The following PLS1 variants were observed in gnomAD, a reference collection of about 807,000 sequenced individuals.
PLS1 encodes plastin 1.
PLS1 carries 32 observed loss-of-function variants against 73.7 expected under a neutral mutation model. That is an observed-to-expected ratio of 0.43 (90% CI 0.33 to 0.58). The LOEUF is 0.58. PLS1 is among the 20% of genes least tolerant of loss of function. PLS1 has a pLI of 0.04. For missense variants in PLS1, 633 were observed against 740.5 expected (o/e 0.85, Z 1.68); for synonymous variants, 217 against 261.3 (o/e 0.83, Z 1.63).
intron 6 of PLS1, 95 bp from the exon 7 acceptor site, chr3:142,683,911 G>A: frequency 5.0e-6 from 4 of 792,852 alleles, no homozygotes; most frequent in Non-Finnish European, 7.8e-6. Context: ...TTATAAATCT[G>A]AAATTTGGCA....
chr3:142,669,269 G>T, intron 2 of PLS1, 121 bp from the exon 3 acceptor site: 1 of 566,712 alleles, frequency 1.8e-6, no homozygotes, highest in South Asian at 2.8e-5. Context: ...AAAGGTTACT[G>T]CCACCTGTGA....
intron 2 of PLS1, among the ~76,000 whole-genome samples, chr3:142,668,661 G>A (rs1398953485): frequency 1.3e-5 from 2 of 151,434 alleles, no homozygotes; most frequent in African/African-American, 4.9e-5. Flanking sequence ...GAGTACAGTG[G>A]CGCAATCTCG....
chr3:142,638,439 T>C (rs1308960787), intron 1 of PLS1, among the ~76,000 whole-genome samples: 3 of 152,168 alleles, frequency 2.0e-5, no homozygotes, highest in African/African-American at 7.2e-5. Flanking sequence ...CCTTAATTGG[T>C]CTGTCTCTGA....
At chr3:142,630,958 C>A (rs1047834292) in intron 1 of PLS1, among the ~76,000 whole-genome samples, 2 of 151,768 alleles carry the variant, frequency 1.3e-5, no homozygotes, top group Non-Finnish European at 2.9e-5. Context: ...CACACACACA[C>A]ACACACACAC....
rs528394937 is a variant in PLS1 at position 142,606,355 on chromosome 3, A to C, written c.-37+9846A>C. Reference sequence around the variant, plus strand: ...GCAAGCAGCGGGACTTCTCAGAGAAATTAAAGGTTTCATATCAACCACACG... The same window carrying C: ...GCAAGCAGCGGGACTTCTCAGAGAACTTAAAGGTTTCATATCAACCACACG... On this transcript the variant is annotated intron_variant, in intron 1 of 15. Transcript: ENST00000457734. 7.9e-5 allele frequency among the ~76,000 whole-genome samples: 12 copies of C among 152,334 alleles called. No homozygotes were observed. In the South Asian group the frequency reaches 2.5e-3, roughly 32 times the overall value.
intron 12 of PLS1, among the ~76,000 whole-genome samples, chr3:142,698,934 G>C (rs1015777976): frequency 7.2e-5 from 11 of 151,996 alleles, no homozygotes; most frequent in Admixed American, 5.2e-4. Flanking sequence ...TTCAGTAAAG[G>C]GTTAATAAAA....
chr3:142,598,330 G>A (rs1289049520), intron 1 of PLS1, among the ~76,000 whole-genome samples: 1 of 152,180 alleles, frequency 6.6e-6, no homozygotes, highest in Non-Finnish European at 1.5e-5. Flanking sequence ...TTTGTGGGAG[G>A]GAGTGGGGGA....
intron 1 of PLS1, among the ~76,000 whole-genome samples, chr3:142,618,919 C>T (rs938847745): frequency 2.6e-5 from 4 of 152,128 alleles, no homozygotes; most frequent in African/African-American, 9.7e-5. Flanking sequence ...ATACCATATT[C>T]ACAGGTTCTG....
intron 2 of PLS1, among the ~76,000 whole-genome samples, 168 bp from the exon 3 acceptor site, chr3:142,669,222 G>A (rs1252255472): frequency 6.6e-6 from 1 of 152,028 alleles, no homozygotes; most frequent in African/African-American, 2.4e-5. Flanking sequence ...TTAAAATAAA[G>A]CATATAGCAT....
At chr3:142,607,844 A>G (rs1577765774) in intron 1 of PLS1, among the ~76,000 whole-genome samples, 1 of 149,158 alleles carries the variant, frequency 6.7e-6, no homozygotes, top group African/African-American at 2.5e-5. Flanking sequence ...AATCAGGTAC[A>G]TTGTGGAATG....
intron 2 of PLS1, among the ~76,000 whole-genome samples, chr3:142,665,413 T>A (rs956386335): frequency 1.3e-5 from 2 of 152,124 alleles, no homozygotes; most frequent in African/African-American, 4.8e-5. Context: ...CATTTCTCCC[T>A]GGGAATGGCA....
intron 10 of PLS1, 22 bp downstream of exon 10, chr3:142,689,835 T>C (rs1235333903): frequency 1.4e-6 from 2 of 1,446,454 alleles, no homozygotes; most frequent in Admixed American, 2.0e-5. Flanking sequence ...CTGCCTTTAA[T>C]TGACTTGCTA....
At chr3:142,634,216 T>C (rs1053026667) in intron 1 of PLS1, among the ~76,000 whole-genome samples, 3 of 152,230 alleles carry the variant, frequency 2.0e-5, no homozygotes, top group East Asian at 3.8e-4. Context: ...TGTGTACTTA[T>C]GTTCCCTGAA....
chr3:142,654,209 T>G (rs1272292475), intron 1 of PLS1, among the ~76,000 whole-genome samples: 3 of 152,170 alleles, frequency 2.0e-5, no homozygotes, highest in Non-Finnish European at 4.4e-5. Context: ...CCCTGTCTGT[T>G]CTCTGCTTTG....
chr3:142,686,523 C>T, intron 9 of PLS1, 147 bp downstream of exon 9: 1 of 615,210 alleles, frequency 1.6e-6, no homozygotes, highest in African/African-American at 1.8e-5. Flanking sequence ...TCTCTACAAA[C>T]TTTTCATCAT....
rs1261630679 is a variant in PLS1, at chr3:142,711,917, A to G, written c.1800A>G (p.Ala600=). The part of the protein sequence containing the change: ...VARKIGARIY[A]LPDDLVEVKP... ...GAAAGATCGGTGCCCGGATATATGCATTACCTGATGACCTCGTAGAAGTGA... is the reference window on the plus strand; with the variant it reads ...GAAAGATCGGTGCCCGGATATATGCGTTACCTGATGACCTCGTAGAAGTGA... Residue 600 remains alanine, a synonymous_variant, in exon 16 of 16, where the codon GCA becomes GCG. Coordinates refer to ENST00000457734, the MANE Select transcript of PLS1 (RefSeq NM_001145319.2). 1.2e-6 allele frequency: 2 copies of G among 1,613,612 alleles called. No individual in the cohort carries two copies. Among genetic ancestry groups the G allele is most frequent in the Non-Finnish European group, 8.5e-7 (1 of 1,179,546 alleles).
chr3:142,619,417 A>G (rs1283840275), intron 1 of PLS1: 2 of 152,196 alleles, frequency 1.3e-5, no homozygotes, highest in East Asian at 3.9e-4. Context: ...TCTATGATAC[A>G]TATTTATGAC....
intron 6 of PLS1, 136 bp from the exon 7 acceptor site, chr3:142,683,870 T>G: frequency 6.8e-6 from 4 of 589,620 alleles, no homozygotes; most frequent in Non-Finnish European, 1.2e-5. Flanking sequence ...TTTTTTTGAG[T>G]AGTGGTATTT....
intron 1 of PLS1, among the ~76,000 whole-genome samples, chr3:142,649,301 A>C (rs2108633027): frequency 7.2e-6 from 1 of 138,628 alleles, no homozygotes; most frequent in East Asian, 2.1e-4. Context: ...ATGATACTGC[A>C]CTCCAGTTTG....
Sources: allele counts gnomAD v4.1 joint callset (sites outside exome capture counted in the v4.1 genomes callset), GRCh38; gene constraint gnomAD v4.1.1; transcripts MANE v1.5; gene names NCBI Gene and HGNC (gene_info 2026-07-23, HGNC 2026-07-21).